USH2A: variants seen among roughly 807,000 people sequenced by gnomAD.
The protein encoded by USH2A is Usher syndrome 2A (autosomal recessive, mild).
In USH2A, 443 loss-of-function variants were observed where a neutral mutation model predicts 538.9. The ratio of observed to expected loss-of-function variants is 0.82; its 90% CI spans 0.76 to 0.89. The LOEUF (loss-of-function observed/expected upper bound fraction) is 0.89. Among genes scored for constraint, USH2A ranks in the 40% least tolerant of loss-of-function variants. The probability of loss-of-function intolerance (pLI) is 0.00; values close to 1 mark genes in which losing one functional copy is unlikely to be tolerated. For synonymous variants in USH2A, 2,413 were observed against 2,273.5 expected (o/e 1.06, Z -1.75); for missense variants, 6,633 against 6,324.8 (o/e 1.05, Z -1.65).
chr1:215,636,431 G>T (rs929499284), intron 69 of USH2A, among the ~76,000 whole-genome samples: 2 of 152,136 alleles, frequency 1.3e-5, no homozygotes, highest in African/African-American at 2.4e-5. Context: ...TAAAATAAAG[G>T]GTTGAGTCAA....
intron 4 of USH2A, among the ~76,000 whole-genome samples, chr1:216,342,538 A>G (rs575858321): frequency 5.9e-5 from 9 of 152,240 alleles, no homozygotes; most frequent in Admixed American, 5.2e-4. Flanking sequence ...ACATGCACAC[A>G]TATGTTTACT....
chr1:216,327,473 GA>G, intron 5 of USH2A, 117 bp downstream of exon 5: 1 of 1,203,506 alleles, frequency 8.3e-7, no homozygotes, highest in African/African-American at 1.5e-5. Context: ...TTAATTAGGT[GA>G]AGTTTGCCAA....
chr1:216,390,933 C>T (rs2039096496), intron 3 of USH2A, among the ~76,000 whole-genome samples: 1 of 152,136 alleles, frequency 6.6e-6, no homozygotes, highest in South Asian at 2.1e-4. Context: ...TGAATCATTA[C>T]AGCATTCTGT....
chr1:215,833,722 C>T (rs909639981), intron 47 of USH2A, among the ~76,000 whole-genome samples: 6 of 152,042 alleles, frequency 3.9e-5, no homozygotes, highest in African/African-American at 1.4e-4. Context: ...AAAACTCTTT[C>T]TCTTAAAAAC....
At chr1:215,637,048 G>A (rs1656516734) in intron 69 of USH2A, among the ~76,000 whole-genome samples, 1 of 151,992 alleles carries the variant, frequency 6.6e-6, no homozygotes, top group African/African-American at 2.4e-5. Flanking sequence ...GACTCTACCT[G>A]TGCATCACAT....
At position 215,814,573 on chromosome 1, in the gene USH2A, G is replaced by A. The variant is rs115292885; in HGVS notation, c.9571-669C>T. Among the ~76,000 whole-genome samples, 1,325 of 152,112 alleles carry A rather than the reference G, an allele frequency of 8.7e-3. 18 individuals are homozygous for A. Among genetic ancestry groups the A allele is most frequent in the African/African-American group, 0.03 (1,262 of 41,534 alleles). ...GGTCTAAAGGCGAGTGAGTTCTCAC[G>A]AGATTTGATGGTTTAAAAGAGTGTG... On this transcript the variant is annotated intron_variant, in intron 48 of 71. Transcript: ENST00000307340.
At chr1:215,781,958 A>G (rs1661655683) in intron 54 of USH2A, 84 bp downstream of exon 54, 8 of 1,581,960 alleles carry the variant, frequency 5.1e-6, no homozygotes, top group South Asian at 2.2e-5. Flanking sequence ...GTTTTCTTCA[A>G]TGAAAAAAGC....
At chr1:215,836,770 A>G (rs1663545015) in intron 47 of USH2A, among the ~76,000 whole-genome samples, 1 of 148,522 alleles carries the variant, frequency 6.7e-6, no homozygotes, top group Non-Finnish European at 1.5e-5. Flanking sequence ...GTTAGCCAGG[A>G]TGGTCTCGAT....
intron 44 of USH2A, among the ~76,000 whole-genome samples, chr1:215,866,802 G>C (rs747022670): frequency 1.1e-4 from 16 of 152,070 alleles, no homozygotes; most frequent in Non-Finnish European, 2.1e-4. Flanking sequence ...GTTTTAATGT[G>C]TCCATTTCTA....
intron 21 of USH2A, among the ~76,000 whole-genome samples, chr1:216,143,821 G>T (rs1336371564): frequency 6.6e-6 from 1 of 152,138 alleles, no homozygotes. Flanking sequence ...CTTAATATTT[G>T]ATTTTCCAGG....
chr1:215,910,890 G>T (rs11120696), intron 38 of USH2A, among the ~76,000 whole-genome samples: 1,574 of 151,834 alleles, frequency 0.01, 30 homozygotes, highest in African/African-American at 0.036. Flanking sequence ...TACATTATTT[G>T]TAATAATAAT....
intron 21 of USH2A, among the ~76,000 whole-genome samples, chr1:216,144,545 T>C (rs2033659099): frequency 6.6e-6 from 1 of 152,180 alleles, no homozygotes. Context: ...TTATATATAA[T>C]ACTAGGAATT....
chr1:215,867,257 A>G (rs1217723244), intron 43 of USH2A, 87 bp from the exon 44 acceptor site: 22 of 1,444,562 alleles, frequency 1.5e-5, no homozygotes, highest in South Asian at 7.4e-5. Flanking sequence ...TTCACAAAAT[A>G]CAGGATTTCC....
intron 3 of USH2A, among the ~76,000 whole-genome samples, chr1:216,393,178 A>G (rs953900165): frequency 6.6e-6 from 1 of 152,182 alleles, no homozygotes; most frequent in Non-Finnish European, 1.5e-5. Context: ...GCTTTTACAC[A>G]TGATCTTCCA....
At chr1:215,780,723 C>A (rs1320338998) in intron 54 of USH2A, among the ~76,000 whole-genome samples, 3 of 152,196 alleles carry the variant, frequency 2.0e-5, no homozygotes, top group Non-Finnish European at 2.9e-5. Context: ...TGTGCCTATG[C>A]AAAAAGCATG....
At chr1:216,013,699 C>A (rs561004912) in intron 32 of USH2A, among the ~76,000 whole-genome samples, 79 of 152,112 alleles carry the variant, frequency 5.2e-4, no homozygotes, top group African/African-American at 1.9e-3. Flanking sequence ...GAACAACCCC[C>A]CTTTGACTGT....
At position 216,130,537 on chromosome 1, in the gene USH2A, T is replaced by G. The variant is rs1469129069; in HGVS notation, c.4628-33324A>C. On this transcript the variant is annotated intron_variant, in intron 21 of 71. Transcript: ENST00000307340. ...GTATTCCATCATATATATTTATATA[T>G]ATAAAATATATATTTATATATATTA... Among the ~76,000 whole-genome samples, 6 of 146,000 alleles carry G rather than the reference T, an allele frequency of 4.1e-5. 1 individual carries two copies. The highest frequency in any genetic ancestry group is 7.0e-5 in the Admixed American group (1 of 14,346).
intron 69 of USH2A, among the ~76,000 whole-genome samples, chr1:215,636,960 T>C (rs1053359746): frequency 6.6e-6 from 1 of 152,026 alleles, no homozygotes; most frequent in Non-Finnish European, 1.5e-5. Context: ...TTCTCCTTTT[T>C]ATGAAGACCT....
At chr1:216,007,295 T>C (rs1668418069) in intron 32 of USH2A, among the ~76,000 whole-genome samples, 1 of 152,052 alleles carries the variant, frequency 6.6e-6, no homozygotes, top group Non-Finnish European at 1.5e-5. Context: ...AAAATCAGAA[T>C]TTAACTATAA....
Sources: gnomAD v4.1 joint callset for allele counts (sites outside exome capture counted in the v4.1 genomes callset) on GRCh38, gnomAD v4.1.1 for gene constraint, MANE v1.5 for transcripts, NCBI Gene and HGNC (gene_info 2026-07-23, HGNC 2026-07-21) for gene names.